Variants in CNTN6 observed in about 807,000 individuals in gnomAD.
CNTN6 encodes the protein contactin 6.
A neutral mutation model predicts 122.8 loss-of-function variants in CNTN6; 137 were observed. That is an observed-to-expected ratio of 1.12 (90% CI 0.97 to 1.29). The LOEUF is 1.29. Among genes scored for constraint, CNTN6 ranks in the 50% most tolerant of loss-of-function variants. The pLI is 0.00. For missense variants in CNTN6, 1,634 were observed against 1,223.4 expected (o/e 1.34, Z -5.01); for synonymous variants, 570 against 426.0 (o/e 1.34, Z -4.16).
At chr3:1,233,237 A>G (rs1170887414) in intron 4 of CNTN6, among the ~76,000 whole-genome samples, 4 of 152,164 alleles carry the variant, frequency 2.6e-5, no homozygotes, top group African/African-American at 9.7e-5. Context: ...TGCCCATTTC[A>G]TATAGGGTTA....
At chr3:1,148,921 G>T (rs1400571519) in intron 2 of CNTN6, among the ~76,000 whole-genome samples, 2 of 152,124 alleles carry the variant, frequency 1.3e-5, no homozygotes, top group Non-Finnish European at 2.9e-5. Context: ...TTACATGGTG[G>T]CTGCTCAGGG....
chr3:1,224,144 C>G (rs2094246076), intron 3 of CNTN6, among the ~76,000 whole-genome samples: 1 of 152,000 alleles, frequency 6.6e-6, no homozygotes, highest in Admixed American at 6.6e-5. Context: ...AGAAATAAGC[C>G]AGGCAGAGAG....
At chr3:1,250,020 A>C (rs2094638871) in intron 4 of CNTN6, among the ~76,000 whole-genome samples, 1 of 152,240 alleles carries the variant, frequency 6.6e-6, no homozygotes, top group East Asian at 1.9e-4. Flanking sequence ...TTATTTAAAA[A>C]GGTGTAAAAT....
At chr3:1,328,019 C>T (rs181442152) in intron 10 of CNTN6, among the ~76,000 whole-genome samples, 1 of 151,846 alleles carries the variant, frequency 6.6e-6, no homozygotes, top group Non-Finnish European at 1.5e-5. Flanking sequence ...AAATCCTTTA[C>T]ACCTTCCCTT....
intron 2 of CNTN6, among the ~76,000 whole-genome samples, chr3:1,175,380 G>C (rs2093430685): frequency 6.6e-6 from 1 of 151,360 alleles, no homozygotes; most frequent in African/African-American, 2.4e-5. Context: ...TGGAGAAGAG[G>C]CATTTAGGGT....
At chr3:1,305,889 G>A (rs973714022) in intron 7 of CNTN6, among the ~76,000 whole-genome samples, 2 of 152,112 alleles carry the variant, frequency 1.3e-5, no homozygotes, top group Non-Finnish European at 2.9e-5. Context: ...TCACCATGAT[G>A]TTGTTAGGTG....
At chr3:1,333,885 T>C (rs988082333) in intron 11 of CNTN6, among the ~76,000 whole-genome samples, 1 of 152,122 alleles carries the variant, frequency 6.6e-6, no homozygotes, top group South Asian at 2.1e-4. Context: ...TTCCTCTCTA[T>C]GGATAATGGA....
At chr3:1,349,971 TAATA>T (rs1193730387) in intron 11 of CNTN6, among the ~76,000 whole-genome samples, 1 of 151,856 alleles carries the variant, frequency 6.6e-6, no homozygotes, top group Non-Finnish European at 1.5e-5. Context: ...AAGTTTATTT[TAATA>T]AATCATAAAT....
At chr3:1,311,751 A>C (rs1319334184) in intron 7 of CNTN6, among the ~76,000 whole-genome samples, 1 of 151,690 alleles carries the variant, frequency 6.6e-6, no homozygotes, top group Non-Finnish European at 1.5e-5. Flanking sequence ...TTCTACTTTT[A>C]ACATAATTAG....
At chr3:1,238,914 G>C (rs1338328260) in intron 4 of CNTN6, among the ~76,000 whole-genome samples, 6 of 152,094 alleles carry the variant, frequency 3.9e-5, no homozygotes, top group Non-Finnish European at 5.9e-5. Context: ...AAGAAAAGAA[G>C]AGAGAAGATC....
At chr3:1,393,867 T>TG (rs1694615801) in intron 20 of CNTN6, among the ~76,000 whole-genome samples, 2 of 152,134 alleles carry the variant, frequency 1.3e-5, no homozygotes, top group Non-Finnish European at 2.9e-5. Context: ...CTTATTGAGA[T>TG]TTTCTGTATG....
At chr3:1,255,130 G>A (rs1275923070) in intron 4 of CNTN6, among the ~76,000 whole-genome samples, 2 of 152,084 alleles carry the variant, frequency 1.3e-5, no homozygotes, top group African/African-American at 2.4e-5. Context: ...GGGATAGAAG[G>A]CTACACAGCT....
intron 2 of CNTN6, among the ~76,000 whole-genome samples, chr3:1,152,538 C>T (rs1428213035): frequency 6.6e-6 from 1 of 152,104 alleles, no homozygotes; most frequent in East Asian, 1.9e-4. Context: ...TAGAATGTCA[C>T]CTGCCTAAGA....
intron 1 of CNTN6, among the ~76,000 whole-genome samples, chr3:1,122,376 A>AGGG (rs370216256): frequency 0.063 from 9,264 of 146,126 alleles, 1,090 homozygotes; most frequent in African/African-American, 0.23. Context: ...GGAAGGAAGG[A>AGGG]AGGGAGGAAT....
intron 4 of CNTN6, among the ~76,000 whole-genome samples, chr3:1,275,673 G>T (rs1288416523): frequency 6.6e-6 from 1 of 152,124 alleles, no homozygotes; most frequent in Admixed American, 6.6e-5. Flanking sequence ...CCATTTGGGG[G>T]TGATGGGAGA....
At chr3:1,295,830 T>G (rs1696134437) in intron 6 of CNTN6, 26 bp downstream of exon 6, 18 of 1,596,994 alleles carry the variant, frequency 1.1e-5, no homozygotes, top group Non-Finnish European at 1.4e-5. Flanking sequence ...ATCTTGGGAA[T>G]GTACTTTATC....
At chr3:1,244,000 C>T (rs1293204899) in intron 4 of CNTN6, among the ~76,000 whole-genome samples, 3 of 152,086 alleles carry the variant, frequency 2.0e-5, no homozygotes, top group African/African-American at 7.2e-5. Context: ...GTGAAAAATG[C>T]CTGGACGTAA....
intron 4 of CNTN6, among the ~76,000 whole-genome samples, chr3:1,262,240 G>T (rs1191942906): frequency 6.6e-6 from 1 of 152,106 alleles, no homozygotes; most frequent in Non-Finnish European, 1.5e-5. Context: ...AGAAGCTTAT[G>T]CAGTGTTGTG....
At position 1,099,653 on chromosome 3, in the gene CNTN6, T is replaced by G. The variant is rs998839155; in HGVS notation, c.-83+6533T>G. ...ATTTTCATTAAGAATATCAAGTCCG[T>G]GCTGCATGTCAACAATTTCATGTTT... On this transcript the variant is annotated intron_variant, in intron 1 of 22. Transcript: ENST00000446702. 7.0e-4 allele frequency among the ~76,000 whole-genome samples: 106 copies of G among 152,260 alleles called. 1 individual carries two copies. Among genetic ancestry groups the G allele is most frequent in the African/African-American group, 2.5e-3 (102 of 41,562 alleles).
Sources: allele counts gnomAD v4.1 joint callset (sites outside exome capture counted in the v4.1 genomes callset), GRCh38; gene constraint gnomAD v4.1.1; transcripts MANE v1.5; gene names NCBI Gene and HGNC (gene_info 2026-07-23, HGNC 2026-07-21).